The following FANCA variants were observed in gnomAD, a reference collection of about 807,000 sequenced individuals.
FANCA encodes FA complementation group A, also known as Fanconi anemia group A protein.
A neutral mutation model predicts 194.3 loss-of-function variants in FANCA; 236 were observed. That is an observed-to-expected ratio of 1.21 (90% confidence interval 1.09 to 1.35). The LOEUF (loss-of-function observed/expected upper bound fraction) is 1.35, where lower values mean the gene tolerates loss of function less well. Ranked by LOEUF, FANCA falls within the 40% of genes most tolerant of loss-of-function variation. The pLI is 0.00. For missense variants in FANCA, 2,628 were observed against 1,813.9 expected, an observed-to-expected ratio of 1.45 and a Z score of -8.15; for synonymous variants, 1,014 against 715.8, an observed-to-expected ratio of 1.42 and a Z score of -6.65.
chr16:89,787,341 G>A (rs1598144832), intron 14 of FANCA, among the ~76,000 whole-genome samples: 1 of 152,090 alleles, frequency 6.6e-6, no homozygotes, highest in African/African-American at 2.4e-5. Flanking sequence ...GGCTAACCCG[G>A]TGAAACCCTG....
rs1386463570 is a variant in FANCA, at chr16:89,759,349, A to AAAAAAAAAAAAAAAAAG, written c.2853-645_2853-644insCTTTTTTTTTTTTTTTT. ...AAAAAAAAAAAAAAAAAAAAAAAAA[A>AAAAAAAAAAAAAAAAAG]GTAGCCTGGAAAGTCACCTGAGGGC... On this transcript the variant is annotated intron_variant, in intron 29 of 42. Transcript: ENST00000389301. Among the ~76,000 whole-genome samples the AAAAAAAAAAAAAAAAAG allele has an allele frequency of 2.2e-5, 3 of 139,460 alleles. 1 individual carries two copies. The highest frequency in any genetic ancestry group is 4.7e-5 in the Non-Finnish European group (3 of 64,106). The allele number at this position is 139,460 out of a possible 152,430, so 91.5% of individuals were successfully genotyped here. A position where few individuals can be genotyped will look rare whatever the true frequency, so the allele number is the denominator to read the frequency against.
intron 27 of FANCA, 66 bp downstream of exon 27, chr16:89,767,075 G>A (rs745538822): frequency 6.4e-5 from 83 of 1,299,950 alleles, no homozygotes; most frequent in East Asian, 1.2e-4. Context: ...TCGGCCTTCC[G>A]GTCCGAAAGC....
chr16:89,796,239 G>A (rs1159655696), intron 10 of FANCA, among the ~76,000 whole-genome samples: 1 of 152,210 alleles, frequency 6.6e-6, no homozygotes, highest in Non-Finnish European at 1.5e-5. Context: ...GAGCAGAGAA[G>A]CGAAGGAGCA....
intron 3 of FANCA, 127 bp from the exon 4 acceptor site, chr16:89,811,198 G>C: frequency 1.8e-6 from 2 of 1,122,456 alleles, no homozygotes; most frequent in South Asian, 1.3e-5. Flanking sequence ...TAAACGGGGA[G>C]AATAGATGCA....
chr16:89,799,551 G>C, intron 9 of FANCA, 54 bp downstream of exon 9: 2 of 1,520,106 alleles, frequency 1.3e-6, no homozygotes, highest in Non-Finnish European at 1.8e-6. Context: ...TGATACAATT[G>C]CTAATAAGCA....
intron 30 of FANCA, among the ~76,000 whole-genome samples, chr16:89,753,672 ATGAGGAAAGACTGAAAGC>A (rs1004843052): frequency 5.3e-5 from 8 of 152,298 alleles, no homozygotes; most frequent in African/African-American, 7.2e-5. Context: ...GTCAGATTTA[ATGAGGAAAGACTGAAAGC>A]TGTTCTCCTA....
intron 5 of FANCA, chr16:89,810,448 C>A: frequency 2.2e-6 from 1 of 456,980 alleles, no homozygotes; most frequent in Middle Eastern, 6.4e-4. Flanking sequence ...ACTAATATAC[C>A]CAAGGCTAAA....
chr16:89,780,677 C>T (rs961239444), intron 17 of FANCA, among the ~76,000 whole-genome samples: 1 of 151,056 alleles, frequency 6.6e-6, no homozygotes, highest in African/African-American at 2.4e-5. Flanking sequence ...ATCTGTAATC[C>T]CAGCATTTTG....
At chr16:89,754,329 G>A (rs2038702033) in intron 30 of FANCA, among the ~76,000 whole-genome samples, 2 of 152,052 alleles carry the variant, frequency 1.3e-5, no homozygotes, top group Non-Finnish European at 1.5e-5. Context: ...GATAGGAAAG[G>A]AAAAAGTGAA....
chr16:89,775,742 C>T lies in FANCA; in HGVS notation c.1900G>A (p.Asp634Asn), dbSNP rs1222254954. 1.2e-6 allele frequency: 2 copies of T among 1,611,008 alleles called. No individual in the cohort carries two copies. Among genetic ancestry groups the T allele is most frequent in the East Asian group, 2.2e-5 (1 of 44,848 alleles). Residue 634 changes from aspartate to asparagine, a missense_variant and splice_region_variant, in exon 21 of 43, where the codon GAT (aspartate) becomes AAT (asparagine). Coordinates refer to ENST00000389301, the MANE Select transcript of FANCA (RefSeq NM_000135.4). ...ACSAAEEKPE[D>N]AALGVRAEPN... ...GTGGACAAGCGGCCCAGGAACTTAC[C>T]TTCTGGCTTCTCTTCAGCAGCAGAG... is the stretch of plus-strand genomic sequence containing the variant.
At chr16:89,768,772 C>G (rs568838383) in intron 26 of FANCA, among the ~76,000 whole-genome samples, 1 of 152,176 alleles carries the variant, frequency 6.6e-6, no homozygotes, top group Non-Finnish European at 1.5e-5. Context: ...CAGTATTTTG[C>G]TTTCTTCACC....
Position 89,745,096 on chromosome 16 carries a change from G to C in FANCA, c.3514-25C>G, listed in dbSNP as rs1409749347. 16 of 1,562,114 alleles carry C rather than the reference G, an allele frequency of 1.0e-5. No homozygotes were observed. The East Asian group carries it at 3.8e-4, about 37-fold the overall frequency. On this transcript the variant is annotated intron_variant, in intron 35 of 42. Coordinates refer to ENST00000389301, the MANE Select transcript of FANCA (RefSeq NM_000135.4). ...CCTATGGAGAGAGCACCAGCACACA[G>C]ATGAGGGTGGCTGAGATGGACACAC...
Position 89,737,687 on chromosome 16 carries a change from G to T in FANCA, c.*914C>A. The T allele has an allele frequency of 6.4e-7, 1 of 1,555,384 alleles. No homozygotes were observed. ...CATAGGCCCCTTGCTTGGGCCCACT[G>T]CATGGTGAACCATGTGCAGAAATGT... On this transcript the variant is annotated 3_prime_UTR_variant, in exon 43 of 43. Transcript: ENST00000389301.
chr16:89,743,033 C>A (rs1334824285), intron 36 of FANCA, 95 bp from the exon 37 acceptor site: 1 of 1,430,192 alleles, frequency 7.0e-7, no homozygotes, highest in Admixed American at 2.1e-5. Flanking sequence ...ACCTTTGGGG[C>A]CTGCCTTTCC....
chr16:89,811,928 C>T (rs2040898001), intron 3 of FANCA, among the ~76,000 whole-genome samples: 1 of 151,448 alleles, frequency 6.6e-6, no homozygotes, highest in Admixed American at 6.6e-5. Context: ...GATGGGGTTT[C>T]ACTATGTTGG....
rs556919856 is a variant in FANCA, at chr16:89,740,792, G to C, written c.3828+12C>G. ...TGGGAGAGGACACCTTGGCTGGTAA[G>C]GTCTGACTTACATTTGAGGTCAGAT... On this transcript the variant is annotated intron_variant, in intron 38 of 42. Coordinates refer to ENST00000389301, the MANE Select transcript of FANCA (RefSeq NM_000135.4). 2.9e-5 allele frequency: 46 copies of C among 1,612,296 alleles called. No homozygotes were observed. The South Asian group carries it at 4.8e-4, about 17-fold the overall frequency.
intron 26 of FANCA, among the ~76,000 whole-genome samples, chr16:89,768,596 C>T (rs553223996): frequency 2.6e-5 from 4 of 152,110 alleles, no homozygotes; most frequent in South Asian, 4.1e-4. Context: ...GCGGAGGTTA[C>T]AGTGAGCCAA....
Position 89,816,222 on chromosome 16 carries a change from G to C in FANCA, c.80-236C>G, listed in dbSNP as rs1233209986. 3.6e-5 allele frequency: 19 copies of C among 521,830 alleles called. No homozygotes were observed. The South Asian group carries it at 3.7e-4, about 10-fold the overall frequency. 32.3% of individuals were successfully genotyped at this position (521,830 alleles called of 1,614,324 possible). On this transcript the variant is annotated intron_variant, in intron 1 of 42. Transcript: ENST00000389301. ...AGGGGAGCCCGGGGACGGCTGGCGA[G>C]GGGCGGCCTCTGCGCTGAGGGGAGC...
At position 89,799,494 on chromosome 16, in the gene FANCA, A is replaced by G. The variant is rs571501067; in HGVS notation, c.826+111T>C. The stretch of plus-strand genomic sequence containing the variant: ...GCATTCCAGTACCAGGACTCTGCAC[A>G]GTGAAACATACAGAGGAGAAATACC... On this transcript the variant is annotated intron_variant, in intron 9 of 42. Coordinates refer to ENST00000389301, the MANE Select transcript of FANCA (RefSeq NM_000135.4). The G allele has an allele frequency of 2.6e-5, 29 of 1,133,346 alleles. No homozygotes were observed. In the East Asian group the frequency reaches 2.8e-4, roughly 11 times the overall value. The allele number at this position is 1,133,346 out of a possible 1,614,324, so 70.2% of individuals were successfully genotyped here.
Sources: allele counts gnomAD v4.1 joint callset (sites outside exome capture counted in the v4.1 genomes callset), GRCh38; gene constraint gnomAD v4.1.1; transcripts MANE v1.5; gene names NCBI Gene and HGNC (gene_info 2026-07-23, HGNC 2026-07-21).